Variants in METTL9 observed in about 807,000 individuals in gnomAD.
METTL9 encodes methyltransferase 9, His-X-His N1(pi)-histidine, also known as protein-L-histidine N-pros-methyltransferase.
In METTL9, 10 loss-of-function variants were observed where a neutral mutation model predicts 36.0. The observed-to-expected ratio is 0.28, with a 90% CI of 0.17 to 0.47. The LOEUF is 0.47. Ranked by LOEUF, METTL9 falls within the 20% of genes least tolerant of loss-of-function variation. The probability of loss-of-function intolerance (pLI) is 0.99; values close to 1 mark genes in which losing one functional copy is unlikely to be tolerated. For synonymous variants in METTL9, 175 were observed against 149.7 expected (o/e 1.17, Z -1.23); for missense variants, 246 against 383.5 (o/e 0.64, Z 3.00).
chr16:21,643,835 T>C (rs890303966), intron 4 of METTL9, among the ~76,000 whole-genome samples: 1 of 151,992 alleles, frequency 6.6e-6, no homozygotes, highest in Non-Finnish European at 1.5e-5. Flanking sequence ...TCCCTTCTTA[T>C]ACACATAGCC....
intron 1 of METTL9, 22 bp from the exon 2 acceptor site, chr16:21,612,623 C>CTTTTTTTT (rs576885895): frequency 1.6e-6 from 2 of 1,250,324 alleles, no homozygotes; most frequent in Non-Finnish European, 2.0e-6. Context: ...AATTTTTGTT[C>CTTTTTTTT]TTTTTTTTTT....
rs117408026 is a variant in METTL9, at chr16:21,644,202, C to T, written c.752-11025C>T. The T allele has an allele frequency of 2.4e-3, 2,211 of 928,546 alleles. 8 individuals are homozygous for T. The highest frequency in any genetic ancestry group is 6.8e-3 in the Middle Eastern group (31 of 4,548). The allele number at this position is 928,546 out of a possible 1,614,324, so 57.5% of individuals were successfully genotyped here. On this transcript the variant is annotated intron_variant, in intron 4 of 4. Coordinates refer to ENST00000358154, the MANE Select transcript of METTL9 (RefSeq NM_016025.5). ...GTTAATTAGGGAGCTCTTGCTGAGG[C>T]CCATAACTTGTGGAGAGATAGAAAT... is the stretch of plus-strand genomic sequence containing the variant.
intron 3 of METTL9, among the ~76,000 whole-genome samples, chr16:21,620,737 T>C (rs1484361553): frequency 6.6e-6 from 1 of 152,144 alleles, no homozygotes; most frequent in East Asian, 1.9e-4. Context: ...TTTCATAATA[T>C]TAGTATGAAG....
At chr16:21,625,268 G>A in intron 4 of METTL9, 153 bp downstream of exon 4, 1 of 815,484 alleles carries the variant, frequency 1.2e-6, no homozygotes, top group Admixed American at 2.3e-5. Context: ...ACACCATCTT[G>A]GTTAATGTTC....
At position 21,644,269 on chromosome 16, in the gene METTL9, A is replaced by G. The variant is rs753109214; in HGVS notation, c.752-10958A>G. On this transcript the variant is annotated intron_variant, in intron 4 of 4. Transcript: ENST00000358154. ...ATATTCAAGGATATAGGGACATTCC[A>G]TGCAAGAGGATTTGACTTACTTTGG... The G allele has an allele frequency of 6.7e-6, 10 of 1,486,362 alleles. No homozygotes were observed. The East Asian group carries it at 9.0e-5, about 13-fold the overall frequency. The allele number at this position is 1,486,362 out of a possible 1,614,324, so 92.1% of individuals were successfully genotyped here.
At chr16:21,632,959 C>A (rs1187963491) in intron 4 of METTL9, among the ~76,000 whole-genome samples, 1 of 152,140 alleles carries the variant, frequency 6.6e-6, no homozygotes, top group East Asian at 1.9e-4. Context: ...CTAGGGCCTG[C>A]TTTAAGGTTT....
At position 21,631,595 on chromosome 16, in the gene METTL9, C is replaced by A. The variant is rs546669938; in HGVS notation, c.751+6480C>A. Among the ~76,000 whole-genome samples, 4 of 152,132 alleles carry A rather than the reference C, an allele frequency of 2.6e-5. No individual in the cohort carries two copies. In the South Asian group the frequency reaches 6.2e-4, roughly 24 times the overall value. ...ATTGTGTCGTTTTTCCTTAATCGCCCGGGAGGAACCATCTATCGTCCTGTC... is the reference window on the plus strand; with the variant it reads ...ATTGTGTCGTTTTTCCTTAATCGCCAGGGAGGAACCATCTATCGTCCTGTC... On this transcript the variant is annotated intron_variant, in intron 4 of 4. Coordinates refer to ENST00000358154, the MANE Select transcript of METTL9 (RefSeq NM_016025.5).
chr16:21,651,836 A>G (rs1018704598), intron 4 of METTL9: 2 of 152,140 alleles, frequency 1.3e-5, no homozygotes, highest in African/African-American at 2.4e-5. Context: ...AAAATAGTCT[A>G]TGAAAGTAAT....
intron 1 of METTL9, among the ~76,000 whole-genome samples, chr16:21,606,072 C>T (rs1180019055): frequency 1.3e-5 from 2 of 152,118 alleles, no homozygotes; most frequent in Non-Finnish European, 2.9e-5. Flanking sequence ...TGCGGTGGCT[C>T]ACGCCTGTAA....
At position 21,617,852 on chromosome 16, in the gene METTL9, T is replaced by C; in HGVS notation, c.357-13T>C. On this transcript the variant is annotated splice_polypyrimidine_tract_variant and intron_variant, in intron 2 of 4. Coordinates refer to ENST00000358154, the MANE Select transcript of METTL9 (RefSeq NM_016025.5). ...GCATAGACACTTCCATTTTTGTCCTTTTTTTCTTTCAGGTTGCTAGGAAGA... is the reference window on the plus strand; with the variant it reads ...GCATAGACACTTCCATTTTTGTCCTCTTTTTCTTTCAGGTTGCTAGGAAGA... 2 of 1,612,798 alleles carry C rather than the reference T, an allele frequency of 1.2e-6. No homozygotes were observed. The highest frequency in any genetic ancestry group is 1.3e-5 in the African/African-American group (1 of 75,022).
chr16:21,629,150 CA>C (rs969522991), intron 4 of METTL9, among the ~76,000 whole-genome samples: 2 of 152,040 alleles, frequency 1.3e-5, no homozygotes, highest in Non-Finnish European at 2.9e-5. Context: ...CTCAGTCTCC[CA>C]AAGTGCTGTG....
At chr16:21,600,331 C>G (rs1379342592) in intron 1 of METTL9, among the ~76,000 whole-genome samples, 1 of 152,180 alleles carries the variant, frequency 6.6e-6, no homozygotes, top group African/African-American at 2.4e-5. Context: ...AAAAGCCAGC[C>G]CCTCTTGTTG....
At chr16:21,608,123 TGG>T (rs969476724) in intron 1 of METTL9, among the ~76,000 whole-genome samples, 2 of 151,168 alleles carry the variant, frequency 1.3e-5, no homozygotes, top group Non-Finnish European at 2.9e-5. Context: ...CACTCCATCC[TGG>T]GCGACAGAGC....
intron 4 of METTL9, among the ~76,000 whole-genome samples, chr16:21,648,798 T>C (rs1966493260): frequency 6.6e-6 from 1 of 152,216 alleles, no homozygotes; most frequent in Admixed American, 6.5e-5. Flanking sequence ...GTCCTATTTG[T>C]GTGAGTTTGT....
At chr16:21,636,611 G>A (rs1966100654) in intron 4 of METTL9, among the ~76,000 whole-genome samples, 1 of 152,168 alleles carries the variant, frequency 6.6e-6, no homozygotes, top group Non-Finnish European at 1.5e-5. Flanking sequence ...TTCTTGTTGG[G>A]ACCCCGGAGC....
At chr16:21,616,864 G>C (rs1306388613) in intron 2 of METTL9, among the ~76,000 whole-genome samples, 5 of 151,978 alleles carry the variant, frequency 3.3e-5, no homozygotes, top group Non-Finnish European at 7.4e-5. Context: ...GTCTGGCTGT[G>C]TTAGCTTGTC....
intron 4 of METTL9, among the ~76,000 whole-genome samples, chr16:21,635,582 G>A (rs1215474879): frequency 6.6e-6 from 1 of 152,100 alleles, no homozygotes. Flanking sequence ...GGATAGTATT[G>A]TAATTTCTAC....
At chr16:21,632,006 C>T (rs1567338013) in intron 4 of METTL9, among the ~76,000 whole-genome samples, 2 of 152,272 alleles carry the variant, frequency 1.3e-5, no homozygotes, top group East Asian at 3.9e-4. Flanking sequence ...CTGACTCCCT[C>T]TGTCTCTTCC....
chr16:21,606,299 T>C (rs1406250614), intron 1 of METTL9, among the ~76,000 whole-genome samples: 1 of 152,140 alleles, frequency 6.6e-6, no homozygotes, highest in African/African-American at 2.4e-5. Flanking sequence ...ATTGCGCCAC[T>C]GCACTCCAGC....
Sources: allele counts gnomAD v4.1 joint callset (sites outside exome capture counted in the v4.1 genomes callset), GRCh38; gene constraint gnomAD v4.1.1; transcripts MANE v1.5; gene names NCBI Gene and HGNC (gene_info 2026-07-23, HGNC 2026-07-21).